The following LRRFIP1 variants were observed in gnomAD, a reference collection of about 807,000 sequenced individuals.
The protein encoded by LRRFIP1 is LRR binding FLII interacting protein 1.
A neutral mutation model predicts 104.4 loss-of-function variants in LRRFIP1; 62 were observed. The ratio of observed to expected loss-of-function variants is 0.59; its 90% CI spans 0.48 to 0.73. LRRFIP1 has a LOEUF of 0.73. LRRFIP1 is among the 30% of genes least tolerant of loss of function. The probability of loss-of-function intolerance (pLI) is 0.00; values close to 1 mark genes in which losing one functional copy is unlikely to be tolerated. For missense variants in LRRFIP1, 796 were observed against 824.5 expected (o/e 0.97, Z 0.42); for synonymous variants, 300 against 299.0 (o/e 1.00, Z -0.03).
chr2:237,657,402 A>G (rs1186277841), intron 1 of LRRFIP1, among the ~76,000 whole-genome samples: 1 of 152,218 alleles, frequency 6.6e-6, no homozygotes, highest in Non-Finnish European at 1.5e-5. Flanking sequence ...ATGCCCCAGA[A>G]AACATAGAGA....
chr2:237,710,376 T>TG (rs1273594234), intron 2 of LRRFIP1, among the ~76,000 whole-genome samples: 3 of 151,694 alleles, frequency 2.0e-5, no homozygotes, highest in Admixed American at 6.6e-5. Context: ...CTCCCTCTCC[T>TG]GGGTTCAAGC....
intron 1 of LRRFIP1, among the ~76,000 whole-genome samples, chr2:237,636,971 G>A (rs1380348328): frequency 6.6e-6 from 1 of 152,176 alleles, no homozygotes; most frequent in Non-Finnish European, 1.5e-5. Flanking sequence ...TTGATTAAGG[G>A]ACTAGTAAGG....
At chr2:237,743,531 A>G (rs1444606897) in intron 11 of LRRFIP1, among the ~76,000 whole-genome samples, 1 of 152,192 alleles carries the variant, frequency 6.6e-6, no homozygotes, top group Admixed American at 6.5e-5. Flanking sequence ...ATCTTCTCCC[A>G]TGCTGTGGAT....
intron 12 of LRRFIP1, among the ~76,000 whole-genome samples, chr2:237,748,624 A>G (rs544268226): frequency 1.3e-5 from 2 of 152,228 alleles, no homozygotes; most frequent in Non-Finnish European, 2.9e-5. Context: ...AATGGGCCCC[A>G]CCATGGAGTT....
chr2:237,672,136 AT>A (rs764095055), intron 1 of LRRFIP1, among the ~76,000 whole-genome samples: 9 of 151,922 alleles, frequency 5.9e-5, no homozygotes, highest in South Asian at 2.1e-4. Flanking sequence ...TCTGAAAAAA[AT>A]GTTTTTTTTC....
At chr2:237,764,307 A>G in intron 19 of LRRFIP1, 1 of 1,525,686 alleles carries the variant, frequency 6.6e-7, no homozygotes. Flanking sequence ...GTAGATTTCC[A>G]TGTAATCATT....
chr2:237,637,728 A>G (rs2083308802), intron 1 of LRRFIP1, among the ~76,000 whole-genome samples: 1 of 152,234 alleles, frequency 6.6e-6, no homozygotes, highest in African/African-American at 2.4e-5. Context: ...TGAATGAAAA[A>G]TCACATAGTG....
At position 237,749,185 on chromosome 2, in the gene LRRFIP1, T is replaced by G; in HGVS notation, c.670-14T>G. On this transcript the variant is annotated splice_polypyrimidine_tract_variant and intron_variant, in intron 12 of 23. Coordinates refer to ENST00000308482, the MANE Select transcript of LRRFIP1 (RefSeq NM_001137550.2). ...GCTAAACCATATCAGCATGTGATCC[T>G]CTCAACGTTCCAGGGGTCTCGTAAC... The G allele has an allele frequency of 6.2e-7, 1 of 1,611,626 alleles. No individual in the cohort carries two copies. The highest frequency in any genetic ancestry group is 1.1e-5 in the South Asian group (1 of 90,856).
chr2:237,752,730 G>A (rs964878106), intron 14 of LRRFIP1, among the ~76,000 whole-genome samples: 8 of 152,242 alleles, frequency 5.3e-5, no homozygotes, highest in Non-Finnish European at 1.5e-5. Context: ...CAAAGGGAAT[G>A]ACCTTTGTCT....
chr2:237,686,896 C>T (rs2092410422), intron 1 of LRRFIP1, among the ~76,000 whole-genome samples: 1 of 152,234 alleles, frequency 6.6e-6, no homozygotes, highest in Admixed American at 6.5e-5. Flanking sequence ...CCTAGTCTTA[C>T]TGGGAGATCC....
At chr2:237,683,315 A>C (rs1436559912) in intron 1 of LRRFIP1, 4 of 152,260 alleles carry the variant, frequency 2.6e-5, no homozygotes, top group Non-Finnish European at 1.5e-5. Context: ...CCCTCTCATC[A>C]TGCCAAGGCA....
intron 11 of LRRFIP1, among the ~76,000 whole-genome samples, chr2:237,744,012 C>A (rs2057472048): frequency 6.6e-6 from 1 of 152,234 alleles, no homozygotes; most frequent in African/African-American, 2.4e-5. Flanking sequence ...GAACTCAGAT[C>A]TCTGCCCATT....
intron 11 of LRRFIP1, among the ~76,000 whole-genome samples, chr2:237,742,491 C>G (rs140002368): frequency 2.0e-5 from 3 of 152,156 alleles, no homozygotes; most frequent in Non-Finnish European, 2.9e-5. Context: ...CTTGATTGAT[C>G]GTGTCGAGAA....
At chr2:237,631,530 A>T (rs1024408908) in intron 1 of LRRFIP1, among the ~76,000 whole-genome samples, 1 of 152,216 alleles carries the variant, frequency 6.6e-6, no homozygotes, top group Non-Finnish European at 1.5e-5. Flanking sequence ...GCGGGATGTT[A>T]TCAGGAGAAA....
chr2:237,770,192 C>T (rs1158437636), intron 20 of LRRFIP1, 200 bp downstream of exon 20: 1 of 560,202 alleles, frequency 1.8e-6, no homozygotes, highest in South Asian at 2.3e-5. Flanking sequence ...CATCCTGAGT[C>T]ATATGAGGTT....
rs755430435 is a variant in LRRFIP1 at position 237,627,689 on chromosome 2, C to T, written c.45C>T (p.Asn15=). Residue 15 remains asparagine, a synonymous_variant, in exon 1 of 24, where the codon AAC becomes AAT. Transcript: ENST00000308482. ...TQGSGRKRLP[N]RERLTAEDDA... is the part of the protein sequence containing the mutation. Reference sequence around the variant, plus strand: ...GATCGGGGCGCAAGCGGCTCCCCAACCGGGAGCGGCTCACGGCGGAGGACG... The same window carrying T: ...GATCGGGGCGCAAGCGGCTCCCCAATCGGGAGCGGCTCACGGCGGAGGACG... 6.1e-5 allele frequency: 83 copies of T among 1,371,728 alleles called. No homozygotes were observed. Among genetic ancestry groups the T allele is most frequent in the Middle Eastern group, 2.4e-4 (1 of 4,128 alleles). 85.0% of individuals were successfully genotyped at this position (1,371,728 alleles called of 1,614,324 possible). A position where few individuals can be genotyped will look rare whatever the true frequency, so the allele number is the denominator to read the frequency against.
intron 13 of LRRFIP1, among the ~76,000 whole-genome samples, chr2:237,750,199 C>T (rs1463322258): frequency 6.6e-6 from 1 of 152,112 alleles, no homozygotes; most frequent in African/African-American, 2.4e-5. Context: ...CTTGAAGATG[C>T]TTCCAACACC....
At chr2:237,762,644 A>C in intron 19 of LRRFIP1, 1 of 1,609,566 alleles carries the variant, frequency 6.2e-7, no homozygotes, top group Non-Finnish European at 8.5e-7. Flanking sequence ...AATCGTGGCG[A>C]ATGTGGGGAA....
intron 1 of LRRFIP1, among the ~76,000 whole-genome samples, chr2:237,667,058 C>T (rs1046602400): frequency 6.6e-6 from 1 of 151,184 alleles, no homozygotes; most frequent in Non-Finnish European, 1.5e-5. Flanking sequence ...GTGTGAAGAA[C>T]ATGCAGGTTT....
Sources: gnomAD v4.1 joint callset for allele counts (sites outside exome capture counted in the v4.1 genomes callset) on GRCh38, gnomAD v4.1.1 for gene constraint, MANE v1.5 for transcripts, NCBI Gene and HGNC (gene_info 2026-07-23, HGNC 2026-07-21) for gene names.